The following COL8A1 variants were observed in gnomAD, a reference collection of about 807,000 sequenced individuals.
COL8A1 encodes the protein collagen alpha-1(VIII) chain.
In COL8A1, 21 loss-of-function variants were observed where a neutral mutation model predicts 42.7. That is an observed-to-expected ratio of 0.49 (90% confidence interval 0.35 to 0.71). The LOEUF (loss-of-function observed/expected upper bound fraction) is 0.71. Among genes scored for constraint, COL8A1 ranks in the 30% least tolerant of loss-of-function variants. The pLI is 0.01. For synonymous variants in COL8A1, 367 were observed against 369.1 expected (o/e 0.99, Z 0.06); for missense variants, 788 against 962.4 (o/e 0.82, Z 2.40).
chr3:99,640,591 G>A (rs946916728), intron 1 of COL8A1, among the ~76,000 whole-genome samples: 3 of 152,208 alleles, frequency 2.0e-5, no homozygotes, highest in Middle Eastern at 3.4e-3. Context: ...TTAATCCACC[G>A]GACCAGCTAT....
At chr3:99,764,201 T>C (rs1457487116) in intron 2 of COL8A1, among the ~76,000 whole-genome samples, 3 of 152,224 alleles carry the variant, frequency 2.0e-5, no homozygotes, top group African/African-American at 7.2e-5. Context: ...TCTTATTTTC[T>C]TAAGGTTCAC....
chr3:99,794,486 A>ATGGGGATC lies in COL8A1; in HGVS notation c.585_586insTGGGGATC (p.Gln196TrpfsTer61). ...TTGGGCCTATGGGGATCCCAGGACC[A>ATGGGGATC]CAAGGACCTCCAGGGCCTCATGGAC... is the stretch of plus-strand genomic sequence containing the variant. On this transcript the variant is annotated frameshift_variant, in exon 4 of 4. Transcript: ENST00000652472. LOFTEE classifies it high-confidence loss of function. The surrounding 1 kb of genome is among the most constrained non-coding windows in gnomAD (Gnocchi z 4.3). 1 of 1,614,050 alleles carries ATGGGGATC rather than the reference A, an allele frequency of 6.2e-7. No individual in the cohort carries two copies. The highest frequency in any genetic ancestry group is 2.2e-5 in the East Asian group (1 of 44,864).
At chr3:99,734,425 G>C (rs937902835) in intron 1 of COL8A1, among the ~76,000 whole-genome samples, 15 of 149,714 alleles carry the variant, frequency 1.0e-4, no homozygotes, top group Non-Finnish European at 1.8e-4. Flanking sequence ...CCCATTGCTT[G>C]TTTTTCTCAG....
chr3:99,730,995 GAA>G (rs1452927060), intron 1 of COL8A1, among the ~76,000 whole-genome samples: 1 of 152,048 alleles, frequency 6.6e-6, no homozygotes, highest in Non-Finnish European at 1.5e-5. Flanking sequence ...AAAGCACAAA[GAA>G]TATTTATTTG....
In COL8A1 at chr3:99,797,690, C is replaced by T. The variant is rs1942128933; in HGVS notation, c.*1554C>T. 1 of 152,086 alleles carries T rather than the reference C, an allele frequency of 6.6e-6. No homozygotes were observed. The highest frequency in any genetic ancestry group is 1.5e-5 in the Non-Finnish European group (1 of 68,020). The allele number at this position is 152,086 out of a possible 1,614,324, so 9.4% of individuals were successfully genotyped here. ...TTCGAATTTAAAAACAGATGTGCTG[C>T]TTCTGGGTGTAGGTAGTAAAAGTAT... is the stretch of plus-strand genomic sequence containing the variant. On this transcript the variant is annotated 3_prime_UTR_variant, in exon 4 of 4. Transcript: ENST00000652472.
At chr3:99,678,261 A>G (rs962558237) in intron 1 of COL8A1, 4 of 152,054 alleles carry the variant, frequency 2.6e-5, no homozygotes, top group Admixed American at 6.6e-5. Context: ...AACTTGTCTG[A>G]AATGTTGGGG....
At chr3:99,786,068 G>A (rs903401255) in intron 2 of COL8A1, among the ~76,000 whole-genome samples, 2 of 151,658 alleles carry the variant, frequency 1.3e-5, no homozygotes, top group Non-Finnish European at 2.9e-5. Context: ...AACTAACATT[G>A]TAGTAAACAG....
intron 2 of COL8A1, among the ~76,000 whole-genome samples, chr3:99,749,835 C>G (rs1941102947): frequency 6.6e-6 from 1 of 151,630 alleles, no homozygotes; most frequent in Non-Finnish European, 1.5e-5. Context: ...TGAAAGCAAA[C>G]AAACAAAAGG....
intron 1 of COL8A1, among the ~76,000 whole-genome samples, chr3:99,661,854 G>T (rs1938215317): frequency 2.0e-5 from 3 of 152,170 alleles, no homozygotes; most frequent in African/African-American, 7.2e-5. Context: ...AGTGAAATAG[G>T]CCAGTCACAA....
intron 1 of COL8A1, among the ~76,000 whole-genome samples, chr3:99,655,797 T>C (rs771588505): frequency 1.3e-5 from 2 of 152,186 alleles, no homozygotes; most frequent in Non-Finnish European, 2.9e-5. Context: ...TCATGAATAA[T>C]GTTAACACAC....
chr3:99,649,823 A>G (rs2107287990), intron 1 of COL8A1, among the ~76,000 whole-genome samples: 1 of 152,180 alleles, frequency 6.6e-6, no homozygotes, highest in South Asian at 2.1e-4. Context: ...ACACAGTGTT[A>G]CTAGGCTTTG....
intron 1 of COL8A1, among the ~76,000 whole-genome samples, chr3:99,655,889 C>T (rs924374180): frequency 6.6e-6 from 1 of 151,968 alleles, no homozygotes; most frequent in Non-Finnish European, 1.5e-5. Context: ...AGTAAGTGCA[C>T]TGACAGAAGG....
intron 1 of COL8A1, among the ~76,000 whole-genome samples, chr3:99,737,376 A>T (rs1711562): frequency 0.7 from 106,131 of 151,508 alleles, 37,769 homozygotes; most frequent in African/African-American, 0.84. Context: ...CGGTTGTTCC[A>T]TTCCATATTT....
chr3:99,783,606 A>G (rs1235180093), intron 2 of COL8A1, among the ~76,000 whole-genome samples: 1 of 152,248 alleles, frequency 6.6e-6, no homozygotes, highest in Admixed American at 6.5e-5. Context: ...TAATTTATAA[A>G]GAAAGGAGGT....
chr3:99,776,484 T>C (rs1419965990), intron 2 of COL8A1, among the ~76,000 whole-genome samples: 1 of 152,146 alleles, frequency 6.6e-6, no homozygotes, highest in Non-Finnish European at 1.5e-5. Flanking sequence ...GGTCATGAGC[T>C]CAGGGGAATG....
At chr3:99,779,653 T>C (rs1419335784) in intron 2 of COL8A1, among the ~76,000 whole-genome samples, 1 of 152,172 alleles carries the variant, frequency 6.6e-6, no homozygotes, top group Non-Finnish European at 1.5e-5. Context: ...CGCACTGAAG[T>C]GGGCAAGCAG....
At chr3:99,712,453 C>T (rs756921414) in intron 1 of COL8A1, among the ~76,000 whole-genome samples, 1 of 152,124 alleles carries the variant, frequency 6.6e-6, no homozygotes, top group Non-Finnish European at 1.5e-5. Context: ...TTTCCATAGT[C>T]CACCTCCCAG....
chr3:99,723,897 C>A (rs1009726379), intron 1 of COL8A1, among the ~76,000 whole-genome samples: 2 of 152,102 alleles, frequency 1.3e-5, no homozygotes, highest in Non-Finnish European at 2.9e-5. Flanking sequence ...CATTTCCAAC[C>A]CACAAACAGC....
intron 1 of COL8A1, among the ~76,000 whole-genome samples, chr3:99,658,059 G>A (rs557583396): frequency 2.6e-4 from 40 of 151,182 alleles, no homozygotes; most frequent in Admixed American, 2.1e-3. Context: ...CCCAGGAGGC[G>A]GAGGCTGCAG....
Sources: gnomAD v4.1 joint callset for allele counts (sites outside exome capture counted in the v4.1 genomes callset) on GRCh38, gnomAD v4.1.1 for gene constraint, Gnocchi (gnomAD v3.1) non-coding constraint, MANE v1.5 for transcripts, NCBI Gene and HGNC (gene_info 2026-07-23, HGNC 2026-07-21) for gene names.